Variants in CACNA1C observed in about 807,000 individuals in gnomAD.
CACNA1C encodes voltage-dependent L-type calcium channel subunit alpha-1C.
A neutral mutation model predicts 229.0 loss-of-function variants in CACNA1C; 30 were observed. The ratio of observed to expected loss-of-function variants is 0.13; its 90% confidence interval spans 0.10 to 0.18. The LOEUF (loss-of-function observed/expected upper bound fraction) is 0.18. Ranked by LOEUF, CACNA1C falls within the 10% of genes least tolerant of loss-of-function variation. The pLI, the probability that CACNA1C is intolerant of heterozygous loss-of-function variation, is 1.00. For synonymous variants in CACNA1C, 1,114 were observed against 1,132.5 expected, an observed-to-expected ratio of 0.98 and a Z score of 0.33; for missense variants, 1,658 against 2,845.0, an observed-to-expected ratio of 0.58 and a Z score of 9.49.
intron 3 of CACNA1C, among the ~76,000 whole-genome samples, chr12:2,411,623 A>G (rs970498953): frequency 2.6e-5 from 4 of 152,186 alleles, no homozygotes; most frequent in Admixed American, 2.6e-4. Context: ...GAAAGCAGCC[A>G]TGAGGTAGCC....
chr12:2,466,068 C>T (rs1245429818), intron 5 of CACNA1C, among the ~76,000 whole-genome samples: 2 of 152,188 alleles, frequency 1.3e-5, no homozygotes, highest in Non-Finnish European at 2.9e-5. Flanking sequence ...TGTAGTTTTC[C>T]TCCCAGGATG....
rs939268719 is a variant in CACNA1C, at chr12:2,686,349, A to G, written c.5784+80A>G. 18 of 1,087,114 alleles carry G rather than the reference A, an allele frequency of 1.7e-5. No homozygotes were observed. The Admixed American group carries it at 3.0e-4, about 18-fold the overall frequency. 67.3% of individuals were successfully genotyped at this position (1,087,114 alleles called of 1,614,324 possible). A position where few individuals can be genotyped will look rare whatever the true frequency, so the allele number is the denominator to read the frequency against. ...CCAGGGTGACGGACAAATCCTGAAG[A>G]CTTCAGTGGGTCTTGCCTGTCTCAG... On this transcript the variant is annotated intron_variant, in intron 45 of 46. Coordinates refer to ENST00000399655, the MANE Select transcript of CACNA1C (RefSeq NM_000719.7).
chr12:1,970,971 C>T (rs2032030733), exon 1 of CACNA1C: 4 of 767,594 alleles, frequency 5.2e-6, no homozygotes, highest in Non-Finnish European at 7.1e-6. Flanking sequence ...GCAGGAATAG[C>T]TTCTGGGTTT....
At position 2,649,548 on chromosome 12, in the gene CACNA1C, C is replaced by A. The variant is rs1488514338; in HGVS notation, c.3945+1041C>A. On this transcript the variant is annotated intron_variant, in intron 31 of 46. Coordinates refer to ENST00000399655, the MANE Select transcript of CACNA1C (RefSeq NM_000719.7). The surrounding 1 kb of genome is among the most constrained non-coding windows in gnomAD (Gnocchi z 4.4). ...TGCATTGTTATTTGGTTTATTAGAG[C>A]AAATTGGTGCATCCGAATGGCAGTG... Among the ~76,000 whole-genome samples, 3 of 152,154 alleles carry A rather than the reference C, an allele frequency of 2.0e-5. No homozygotes were observed. The highest frequency in any genetic ancestry group is 7.2e-5 in the African/African-American group (3 of 41,424).
chr12:2,166,058 G>A (rs1238892666), intron 3 of CACNA1C, among the ~76,000 whole-genome samples: 1 of 152,222 alleles, frequency 6.6e-6, no homozygotes, highest in African/African-American at 2.4e-5. Context: ...TCAAAGACTT[G>A]TCTTTTATCC....
chr12:2,177,561 TTCCC>T (rs1174918516), intron 3 of CACNA1C, among the ~76,000 whole-genome samples: 76 of 78,106 alleles, frequency 9.7e-4, no homozygotes, highest in Admixed American at 1.6e-3. Context: ...TTCCCTTTCC[TTCCC>T]TCCCTCCCTC....
intron 3 of CACNA1C, among the ~76,000 whole-genome samples, chr12:2,214,512 A>G (rs2059465470): frequency 6.6e-6 from 1 of 152,028 alleles, no homozygotes; most frequent in South Asian, 2.1e-4. Flanking sequence ...TTATTCTTGA[A>G]TTACAAAGAA....
chr12:2,088,867 G>A (rs1318087288), intron 1 of CACNA1C, among the ~76,000 whole-genome samples: 2 of 152,174 alleles, frequency 1.3e-5, no homozygotes, highest in African/African-American at 4.8e-5. Flanking sequence ...TGTCACTGCA[G>A]CGTGGAGGGA....
intron 3 of CACNA1C, among the ~76,000 whole-genome samples, chr12:2,173,951 G>T (rs1350999207): frequency 6.6e-6 from 1 of 151,910 alleles, no homozygotes; most frequent in African/African-American, 2.4e-5. Context: ...ACCTTTTAAG[G>T]GCCTGGAATT....
chr12:2,129,680 A>G (rs746795965), intron 3 of CACNA1C, among the ~76,000 whole-genome samples: 4 of 152,158 alleles, frequency 2.6e-5, no homozygotes, highest in Non-Finnish European at 5.9e-5. Context: ...AATTCTTAGG[A>G]ATTTCAATGA....
chr12:2,385,512 G>C (rs1397008437), intron 3 of CACNA1C, among the ~76,000 whole-genome samples: 1 of 152,178 alleles, frequency 6.6e-6, no homozygotes, highest in Admixed American at 6.5e-5. Context: ...ACCCGCTGCT[G>C]TCTCTCCATG....
At chr12:2,103,243 T>A (rs936967325) in intron 1 of CACNA1C, among the ~76,000 whole-genome samples, 12 of 152,194 alleles carry the variant, frequency 7.9e-5, no homozygotes, top group Non-Finnish European at 1.5e-4. Context: ...CTTTCCAGCA[T>A]CTGTTGTTTC....
At chr12:2,560,418 G>T (rs1475220603) in intron 11 of CACNA1C, among the ~76,000 whole-genome samples, 1 of 152,162 alleles carries the variant, frequency 6.6e-6, no homozygotes. Context: ...GGAAAATGTG[G>T]CCGGTTAGTG....
intron 3 of CACNA1C, among the ~76,000 whole-genome samples, chr12:2,176,703 C>T (rs1458703497): frequency 2.0e-5 from 3 of 152,164 alleles, no homozygotes; most frequent in Admixed American, 6.5e-5. Flanking sequence ...CGCTTCAGGA[C>T]ATAAAATCCC....
chr12:2,192,069 GACAC>G (rs138857773), intron 3 of CACNA1C, among the ~76,000 whole-genome samples: 8 of 150,766 alleles, frequency 5.3e-5, no homozygotes, highest in Admixed American at 1.3e-4. Flanking sequence ...CTCAGGCACA[GACAC>G]ACACACACAC....
intron 3 of CACNA1C, among the ~76,000 whole-genome samples, chr12:2,199,209 G>A (rs1166336711): frequency 6.6e-6 from 1 of 152,082 alleles, no homozygotes; most frequent in Non-Finnish European, 1.5e-5. Context: ...GGCCACTCTT[G>A]TTCTGGCCTC....
rs189567512 is a variant in CACNA1C, at chr12:2,479,829, G to T, written c.758-6275G>T. On this transcript the variant is annotated intron_variant, in intron 5 of 46. Coordinates refer to ENST00000399655, the MANE Select transcript of CACNA1C (RefSeq NM_000719.7). This position sits in a 1 kb window ranked among gnomAD's most constrained non-coding sequence, Gnocchi z 4.3. ...GTTTTCCCAGGCTTGAGGTTGACTC[G>T]CCATTTCTTTTCATCCAGGCTTTCC... Among the ~76,000 whole-genome samples, 1 of 152,178 alleles carries T rather than the reference G, an allele frequency of 6.6e-6. No individual in the cohort carries two copies. Among genetic ancestry groups the T allele is most frequent in the Non-Finnish European group, 1.5e-5 (1 of 68,024 alleles).
At chr12:2,536,855 T>G (rs1283713790) in intron 9 of CACNA1C, among the ~76,000 whole-genome samples, 1 of 152,052 alleles carries the variant, frequency 6.6e-6, no homozygotes, top group Non-Finnish European at 1.5e-5. Context: ...AAAAATCAAA[T>G]GAAGGGCTGG....
At chr12:2,501,586 C>A (rs763486560) in intron 7 of CACNA1C, among the ~76,000 whole-genome samples, 1 of 152,398 alleles carries the variant, frequency 6.6e-6, no homozygotes, top group Admixed American at 6.5e-5. Context: ...CACAGCCCAT[C>A]GTGGCCAGCA....
Sources: gnomAD v4.1 joint callset for allele counts (sites outside exome capture counted in the v4.1 genomes callset) on GRCh38, gnomAD v4.1.1 for gene constraint, Gnocchi (gnomAD v3.1) non-coding constraint, MANE v1.5 for transcripts, NCBI Gene and HGNC (gene_info 2026-07-23, HGNC 2026-07-21) for gene names.